Variants in TRMT13 observed in about 807,000 individuals in gnomAD.
TRMT13 encodes tRNA:m(4)X modification enzyme TRM13 homolog.
Under a neutral mutation model 55.9 loss-of-function variants are expected in TRMT13, and 45 were observed. The observed-to-expected ratio is 0.80, with a 90% CI of 0.63 to 1.03. The LOEUF is 1.03. TRMT13 is among the 50% of genes least tolerant of loss of function. The pLI is 0.00. For missense variants in TRMT13, 513 were observed against 563.9 expected, an observed-to-expected ratio of 0.91 and a Z score of 0.91; for synonymous variants, 183 against 196.3, an observed-to-expected ratio of 0.93 and a Z score of 0.57.
intron 1 of TRMT13, among the ~76,000 whole-genome samples, chr1:100,134,808 G>A (rs949994710): frequency 1.3e-5 from 2 of 152,162 alleles, no homozygotes; most frequent in African/African-American, 4.8e-5. Flanking sequence ...ATAGAGGAAC[G>A]ACATATTGTC....
At chr1:100,136,827 T>C in intron 1 of TRMT13, 55 bp from the exon 2 acceptor site, 1 of 1,408,596 alleles carries the variant, frequency 7.1e-7, no homozygotes. Context: ...ATCTGGTATC[T>C]GTAAGCAATA....
chr1:100,136,643 C>T (rs72971895), intron 1 of TRMT13, among the ~76,000 whole-genome samples: 4,701 of 152,210 alleles, frequency 0.031, 260 homozygotes, highest in African/African-American at 0.11. Flanking sequence ...TCTCTATACC[C>T]TGTTTGAAGC....
At chr1:100,147,257 G>A (rs1398123583) in intron 9 of TRMT13, among the ~76,000 whole-genome samples, 2 of 152,176 alleles carry the variant, frequency 1.3e-5, no homozygotes, top group East Asian at 1.9e-4. Flanking sequence ...TGCCTCTTAA[G>A]TTTGTGTATA....
chr1:100,134,859 A>C (rs570888726), intron 1 of TRMT13, among the ~76,000 whole-genome samples: 18 of 152,368 alleles, frequency 1.2e-4, no homozygotes, highest in Admixed American at 9.8e-4. Context: ...TCAAGTGGAA[A>C]CACTTTTATT....
At chr1:100,133,367 G>C (rs1655297637) in intron 1 of TRMT13, 52 bp downstream of exon 1, 1 of 1,576,272 alleles carries the variant, frequency 6.3e-7, no homozygotes, top group African/African-American at 1.4e-5. Flanking sequence ...TCCTGGTCCT[G>C]TCGGTGCTGG....
Position 100,149,513 on chromosome 1 carries a change from C to T in TRMT13, c.*693C>T. 1 of 1,333,040 alleles carries T rather than the reference C, an allele frequency of 7.5e-7. No homozygotes were observed. Among genetic ancestry groups the T allele is most frequent in the Non-Finnish European group, 1.0e-6 (1 of 980,866 alleles). The allele number at this position is 1,333,040 out of a possible 1,614,324, so 82.6% of individuals were successfully genotyped here. On this transcript the variant is annotated 3_prime_UTR_variant, in exon 11 of 11. Transcript: ENST00000370141. ...TCTAGTTAGAACTTCCAAAAAGATA[C>T]TTACAAACATAATTCACAAATTTGA...
intron 1 of TRMT13, among the ~76,000 whole-genome samples, chr1:100,136,517 C>T (rs1655886272): frequency 6.6e-6 from 1 of 152,062 alleles, no homozygotes; most frequent in African/African-American, 2.4e-5. Context: ...ATATATACAA[C>T]TATTTGTCAA....
rs926846804 is a variant in TRMT13, at chr1:100,144,015, C to A, written c.743-54C>A. 4.8e-6 allele frequency: 7 copies of A among 1,447,960 alleles called. No individual in the cohort carries two copies. In the Admixed American group the frequency reaches 1.2e-4, roughly 25 times the overall value. The allele number at this position is 1,447,960 out of a possible 1,614,324, so 89.7% of individuals were successfully genotyped here. On this transcript the variant is annotated intron_variant, in intron 8 of 10. Transcript: ENST00000370141. ...TAATTAGTTCTTTCTTTTGGAAGGCCACATTAATATGTACTTTATTTCACT... is the reference window on the plus strand; with the variant it reads ...TAATTAGTTCTTTCTTTTGGAAGGCAACATTAATATGTACTTTATTTCACT...
intron 9 of TRMT13, among the ~76,000 whole-genome samples, chr1:100,147,424 A>G (rs1570750800): frequency 1.3e-5 from 2 of 152,300 alleles, no homozygotes; most frequent in South Asian, 4.1e-4. Context: ...ACTATTTGCT[A>G]TGAGCCTCTT....
chr1:100,145,238 C>T (rs528073890), intron 9 of TRMT13, among the ~76,000 whole-genome samples: 3 of 152,124 alleles, frequency 2.0e-5, no homozygotes, highest in Non-Finnish European at 4.4e-5. Context: ...GATGAAATCG[C>T]CTAATGCATT....
At chr1:100,134,048 G>T (rs568533272) in intron 1 of TRMT13, among the ~76,000 whole-genome samples, 2 of 152,012 alleles carry the variant, frequency 1.3e-5, no homozygotes, top group Admixed American at 1.3e-4. Flanking sequence ...TTCCAGCCTG[G>T]GTGACAGCCA....
In TRMT13 at chr1:100,147,997, A is replaced by T. The variant is rs1156865083; in HGVS notation, c.921A>T (p.Glu307Asp). Residue 307 changes from glutamate to aspartate, a missense_variant, in exon 10 of 11, where the codon GAA (glutamate) becomes GAT (aspartate). Glu to Asp is a conservative substitution (Grantham distance 45, BLOSUM62 2). Transcript: ENST00000370141. ...KRIKNDKTEKEIYTLAKEGNE... is the reference protein window; with the variant it reads ...KRIKNDKTEKDIYTLAKEGNE... ...TAAAGAATGATAAAACAGAAAAAGA[A>T]ATTTACACTTTGGCCAAGGAAGGAA... is the stretch of plus-strand genomic sequence containing the variant. The T allele has an allele frequency of 6.2e-7, 1 of 1,614,192 alleles. No homozygotes were observed. The highest frequency in any genetic ancestry group is 1.1e-5 in the South Asian group (1 of 91,082).
intron 1 of TRMT13, among the ~76,000 whole-genome samples, chr1:100,134,788 T>C (rs752491347): frequency 2.0e-5 from 3 of 152,332 alleles, no homozygotes; most frequent in Non-Finnish European, 4.4e-5. Flanking sequence ...ACAAGCTGAT[T>C]AGTATTCCTA....
intron 6 of TRMT13, 51 bp from the exon 7 acceptor site, chr1:100,140,801 G>T: frequency 6.5e-7 from 1 of 1,534,240 alleles, no homozygotes; most frequent in South Asian, 1.2e-5. Context: ...TTTCCCATTT[G>T]AACCAAATGT....
chr1:100,148,599 G>C (rs1193482392), intron 10 of TRMT13, 26 bp from the exon 11 acceptor site: 2 of 1,579,986 alleles, frequency 1.3e-6, no homozygotes, highest in South Asian at 2.4e-5. Flanking sequence ...TTTTAACAAT[G>C]TTTTGTGTGT....
Position 100,148,186 on chromosome 1 carries a change from G to C in TRMT13, c.1110G>C (p.Trp370Cys), listed in dbSNP as rs377760233. 13 of 1,614,022 alleles carry C rather than the reference G, an allele frequency of 8.1e-6. No individual in the cohort carries two copies. Among genetic ancestry groups the C allele is most frequent in the African/African-American group, 4.0e-5 (3 of 74,906 alleles). The change falls in exon 10 of 11, where the codon TGG becomes TGC. Residue 370 changes from tryptophan (W) to cysteine (C), a missense_variant. Physicochemically the swap from Trp to Cys is radical, Grantham distance 215. Coordinates refer to ENST00000370141, the MANE Select transcript of TRMT13 (RefSeq NM_019083.3). ...EFHYFQRMSS[W>C]ATCGMRKTSL... ...ATTATTTCCAGCGAATGAGTAGTTG[G>C]GCAACTTGTGGGATGCGGAAAACAT...
chr1:100,149,712 G>C lies in TRMT13; in HGVS notation c.*892G>C, dbSNP rs1239595389. 1 of 263,016 alleles carries C rather than the reference G, an allele frequency of 3.8e-6. No homozygotes were observed. Among genetic ancestry groups the C allele is most frequent in the African/African-American group, 2.3e-5 (1 of 43,414 alleles). The allele number at this position is 263,016 out of a possible 1,614,324, so 16.3% of individuals were successfully genotyped here. On this transcript the variant is annotated 3_prime_UTR_variant, in exon 11 of 11. Coordinates refer to ENST00000370141, the MANE Select transcript of TRMT13 (RefSeq NM_019083.3). ...CAAATTTAGGCCTTATTTAACTCATGACTGGTTTCTATGCACAAGAAAATA... is the reference window on the plus strand; with the variant it reads ...CAAATTTAGGCCTTATTTAACTCATCACTGGTTTCTATGCACAAGAAAATA...
Position 100,149,611 on chromosome 1 carries a change from A to G in TRMT13, c.*791A>G, listed in dbSNP as rs749900150. ...TTTTTTATATATGTAGGCACAAACA[A>G]TAAGTATGTTCTCTTCTGTTTGGGA... On this transcript the variant is annotated 3_prime_UTR_variant, in exon 11 of 11. Transcript: ENST00000370141. The G allele has an allele frequency of 1.3e-5, 7 of 520,078 alleles. No homozygotes were observed. The highest frequency in any genetic ancestry group is 1.3e-5 in the Non-Finnish European group (4 of 299,214). 32.2% of individuals were successfully genotyped at this position (520,078 alleles called of 1,614,324 possible). A position where few individuals can be genotyped will look rare whatever the true frequency, so the allele number is the denominator to read the frequency against.
intron 7 of TRMT13, 80 bp from the exon 8 acceptor site, chr1:100,143,057 A>C: frequency 1.1e-6 from 1 of 938,696 alleles, no homozygotes; most frequent in Non-Finnish European, 1.6e-6. Context: ...AATTTTGAAA[A>C]CCAATAAAAA....
Sources: gnomAD v4.1 joint callset for allele counts (sites outside exome capture counted in the v4.1 genomes callset) on GRCh38, gnomAD v4.1.1 for gene constraint, MANE v1.5 for transcripts, NCBI Gene and HGNC (gene_info 2026-07-23, HGNC 2026-07-21) for gene names.